PIK3R1: variants seen among roughly 807,000 people sequenced by gnomAD.
PIK3R1 encodes the protein phosphoinositide-3-kinase regulatory subunit 1.
Under a neutral mutation model 98.0 loss-of-function variants are expected in PIK3R1, and 29 were observed. The observed-to-expected ratio is 0.30, with a 90% CI of 0.22 to 0.40. The LOEUF (loss-of-function observed/expected upper bound fraction) is 0.40, where lower values mean the gene tolerates loss of function less well. Among genes scored for constraint, PIK3R1 ranks in the 10% least tolerant of loss-of-function variants. The pLI is 1.00. For missense variants in PIK3R1, 596 were observed against 872.7 expected (o/e 0.68, Z 3.99); for synonymous variants, 282 against 311.8 (o/e 0.90, Z 1.01).
At chr5:68,231,891 C>T (rs567767055) in intron 2 of PIK3R1, among the ~76,000 whole-genome samples, 3 of 152,160 alleles carry the variant, frequency 2.0e-5, no homozygotes, top group African/African-American at 4.8e-5. Flanking sequence ...CTGCATCTAT[C>T]GACCACTCTG....
rs911546683 is a variant in PIK3R1, at chr5:68,300,985, A to G, written c.*3384A>G. 3.4e-5 allele frequency: 8 copies of G among 233,240 alleles called. No homozygotes were observed. The highest frequency in any genetic ancestry group is 1.5e-4 in the African/African-American group (7 of 45,416). The allele number at this position is 233,240 out of a possible 1,614,324, so 14.4% of individuals were successfully genotyped here. A position where few individuals can be genotyped will look rare whatever the true frequency, so the allele number is the denominator to read the frequency against. On this transcript the variant is annotated 3_prime_UTR_variant, in exon 16 of 16. Transcript: ENST00000521381. Reference sequence around the variant, plus strand: ...TGTGGGGAACCAATTGCTTTGTCATATAGCTGGTTATGAACTAGTAACATG... The same window carrying G: ...TGTGGGGAACCAATTGCTTTGTCATGTAGCTGGTTATGAACTAGTAACATG...
intron 12 of PIK3R1, 108 bp from the exon 13 acceptor site, chr5:68,295,040 C>A: frequency 1.3e-6 from 1 of 751,094 alleles, no homozygotes; most frequent in Non-Finnish European, 2.0e-6. Context: ...AGAAGCCACG[C>A]TTTACCTAAG....
chr5:68,246,402 TC>T (rs1170919083), intron 2 of PIK3R1, among the ~76,000 whole-genome samples: 1 of 150,684 alleles, frequency 6.6e-6, no homozygotes, highest in East Asian at 2.0e-4. Context: ...AACTTCTGCC[TC>T]CCGGGCCCAA....
At chr5:68,288,514 G>T in intron 7 of PIK3R1, 1 of 1,340,300 alleles carries the variant, frequency 7.5e-7, no homozygotes, top group Non-Finnish European at 9.5e-7. Flanking sequence ...GCGGAGGGAC[G>T]AGCCGAGCCG....
In PIK3R1 at chr5:68,297,648, C is replaced by CCT; in HGVS notation, c.*50_*51dup. 1 of 1,538,102 alleles carries CCT rather than the reference C, an allele frequency of 6.5e-7. No individual in the cohort carries two copies. The highest frequency in any genetic ancestry group is 8.9e-7 in the Non-Finnish European group (1 of 1,121,596). On this transcript the variant is annotated 3_prime_UTR_variant, in exon 16 of 16. Coordinates refer to ENST00000521381, the MANE Select transcript of PIK3R1 (RefSeq NM_181523.3). Reference sequence around the variant, plus strand: ...CTCCTGAAGTTCAGCCACCCTGAGGCCTCTGGAAAGCAAAGGGCTCCTCTC... The same window carrying CCT: ...CTCCTGAAGTTCAGCCACCCTGAGGCCTCTCTGGAAAGCAAAGGGCTCCTCTC...
chr5:68,285,554 C>T (rs1266091622), intron 7 of PIK3R1, among the ~76,000 whole-genome samples: 2 of 152,172 alleles, frequency 1.3e-5, no homozygotes, highest in African/African-American at 4.8e-5. Flanking sequence ...TTTTGTCAAA[C>T]AATAGTTTTA....
intron 2 of PIK3R1, among the ~76,000 whole-genome samples, chr5:68,262,403 T>TATATATATATATATATATACACAC (rs33968242): frequency 2.1e-5 from 3 of 140,618 alleles, no homozygotes; most frequent in Non-Finnish European, 4.6e-5. Flanking sequence ...TATATATATA[T>TATATATATATATATATATACACAC]ACACACACGC....
intron 4 of PIK3R1, among the ~76,000 whole-genome samples, chr5:68,277,869 T>C (rs1746645970): frequency 6.6e-6 from 1 of 152,206 alleles, no homozygotes; most frequent in African/African-American, 2.4e-5. Context: ...CAGCACTCCC[T>C]TCCAATTTAT....
Position 68,279,630 on chromosome 5 carries a change from C to T in PIK3R1, c.531C>T (p.Ile177=), listed in dbSNP as rs559414629. 3.7e-6 allele frequency: 6 copies of T among 1,613,604 alleles called. No homozygotes were observed. The highest frequency in any genetic ancestry group is 1.3e-5 in the African/African-American group (1 of 74,954). The change falls in exon 5 of 16, where the codon ATC becomes ATT. Residue 177 remains isoleucine, a synonymous_variant. Coordinates refer to ENST00000521381, the MANE Select transcript of PIK3R1 (RefSeq NM_181523.3). ...CACCCTCCGTGGACTTGGAAATGAT[C>T]GATGTGCACGTTTTGGCTGACGCTT... ...CDTPSVDLEM[I]DVHVLADAFK...
At chr5:68,272,802 G>GAC (rs1421189664) in intron 2 of PIK3R1, among the ~76,000 whole-genome samples, 1 of 152,198 alleles carries the variant, frequency 6.6e-6, no homozygotes, top group Non-Finnish European at 1.5e-5. Context: ...CTGGATCTGA[G>GAC]ACTCAGCCCA....
intron 2 of PIK3R1, among the ~76,000 whole-genome samples, chr5:68,254,320 A>G (rs987241002): frequency 1.3e-5 from 2 of 152,204 alleles, no homozygotes; most frequent in African/African-American, 4.8e-5. Flanking sequence ...ATCAATTAGT[A>G]TGGAAAATTG....
chr5:68,270,537 T>C (rs748695201), intron 2 of PIK3R1, among the ~76,000 whole-genome samples: 1 of 152,294 alleles, frequency 6.6e-6, no homozygotes, highest in African/African-American at 2.4e-5. Flanking sequence ...TTTTTTTTAA[T>C]TAAAAAAATG....
chr5:68,247,757 G>T (rs1745154596), intron 2 of PIK3R1, among the ~76,000 whole-genome samples: 1 of 151,924 alleles, frequency 6.6e-6, no homozygotes, highest in African/African-American at 2.4e-5. Flanking sequence ...TGTTAGTTTG[G>T]GCTTTCCTTC....
In PIK3R1 at chr5:68,301,106, G is replaced by A. The variant is rs553615690; in HGVS notation, c.*3505G>A. On this transcript the variant is annotated 3_prime_UTR_variant, in exon 16 of 16. Transcript: ENST00000521381. ...GTATGGTATCCAAGTTAGTTGAAACGCAGACACTGAGATCTGTTTGAGTTT... is the reference window on the plus strand; with the variant it reads ...GTATGGTATCCAAGTTAGTTGAAACACAGACACTGAGATCTGTTTGAGTTT... The A allele has an allele frequency of 9.6e-5, 22 of 229,114 alleles. No homozygotes were observed. Among genetic ancestry groups the A allele is most frequent in the South Asian group, 9.1e-4 (5 of 5,480 alleles). The allele number at this position is 229,114 out of a possible 1,614,324, so 14.2% of individuals were successfully genotyped here. A position where few individuals can be genotyped will look rare whatever the true frequency, so the allele number is the denominator to read the frequency against.
In PIK3R1 at chr5:68,281,010, A is replaced by T; in HGVS notation, c.916+4A>T. The T allele has an allele frequency of 6.3e-7, 1 of 1,582,718 alleles. No homozygotes were observed. The highest frequency in any genetic ancestry group is 8.6e-7 in the Non-Finnish European group (1 of 1,162,318). On this transcript the variant is annotated splice_donor_region_variant and intron_variant, in intron 7 of 15. Coordinates refer to ENST00000521381, the MANE Select transcript of PIK3R1 (RefSeq NM_181523.3). ...AATGAACGACAGCCTGCACCAGGTA[A>T]TGCTTTTTGAGCATTTAACATTCTC...
chr5:68,258,416 G>A (rs1160183477), intron 2 of PIK3R1, among the ~76,000 whole-genome samples: 3 of 152,112 alleles, frequency 2.0e-5, no homozygotes, highest in African/African-American at 4.8e-5. Flanking sequence ...GCTCCTTAAG[G>A]TGCCTGCCTC....
rs748278546 is a variant in PIK3R1 at position 68,295,150 on chromosome 5, T to G, written c.1571T>G (p.Ile524Ser). ...REGNEKEIQR[I>S]MHNYDKLKSR... is the part of the protein sequence containing the mutation. The stretch of plus-strand genomic sequence containing the variant: ...AAATACGTTTCTTTTGCCTGCAGGA[T>G]TATGCATAATTATGATAAGTTGAAG... The change falls in exon 13 of 16, where the codon ATT becomes AGT. Residue 524 changes from isoleucine (I) to serine (S), a missense_variant and splice_region_variant. Around this residue, in one of 3 missense-constraint regions of PIK3R1, gnomAD observed 207 missense variants for 361.4 expected, o/e 0.57. Transcript: ENST00000521381. 1 of 1,613,252 alleles carries G rather than the reference T, an allele frequency of 6.2e-7. No individual in the cohort carries two copies. The highest frequency in any genetic ancestry group is 8.5e-7 in the Non-Finnish European group (1 of 1,179,358).
intron 7 of PIK3R1, among the ~76,000 whole-genome samples, chr5:68,283,530 CA>C (rs1030506862): frequency 2.6e-5 from 4 of 151,932 alleles, no homozygotes; most frequent in African/African-American, 9.7e-5. Context: ...TTTGAATAGG[CA>C]AAGGAGAAAT....
Position 68,299,603 on chromosome 5 carries a change from C to T in PIK3R1, c.*2002C>T, listed in dbSNP as rs79397497. ...ATAATATGGTCACTACCCTAATAGA[C>T]TAAATGAAATCTTGCAATTTCAAAT... On this transcript the variant is annotated 3_prime_UTR_variant, in exon 16 of 16. Transcript: ENST00000521381. 8,698 of 233,142 alleles carry T rather than the reference C, an allele frequency of 0.037. 233 individuals are homozygous for T. Among genetic ancestry groups the T allele is most frequent in the South Asian group, 0.077 (423 of 5,516 alleles). 14.4% of individuals were successfully genotyped at this position (233,142 alleles called of 1,614,324 possible). A position where few individuals can be genotyped will look rare whatever the true frequency, so the allele number is the denominator to read the frequency against.
Sources: gnomAD v4.1 joint callset for allele counts (sites outside exome capture counted in the v4.1 genomes callset) on GRCh38, gnomAD v4.1.1 for gene constraint, gnomAD v4.1.1 regional missense constraint, MANE v1.5 for transcripts, NCBI Gene and HGNC (gene_info 2026-07-23, HGNC 2026-07-21) for gene names.